The following PREX1 variants were observed in gnomAD, a reference collection of about 807,000 sequenced individuals.
PREX1 encodes phosphatidylinositol 3,4,5-trisphosphate-dependent Rac exchanger 1 protein.
PREX1 carries 41 observed loss-of-function variants against 198.3 expected under a neutral mutation model. That is an observed-to-expected ratio of 0.21 (90% CI 0.16 to 0.27). The LOEUF (loss-of-function observed/expected upper bound fraction) is 0.27. Among genes scored for constraint, PREX1 ranks in the 10% least tolerant of loss-of-function variants. The pLI is 1.00. For missense variants in PREX1, 1,620 were observed against 2,200.7 expected, an observed-to-expected ratio of 0.74 and a Z score of 5.28; for synonymous variants, 843 against 887.2, an observed-to-expected ratio of 0.95 and a Z score of 0.89.
At chr20:48,880,009 TTCC>T in the PREX1 span, among the ~76,000 whole-genome samples, 1 of 152,204 alleles carries the variant, frequency 6.6e-6, no homozygotes, top group Non-Finnish European at 1.5e-5. Flanking sequence ...GAAATTGAAT[TTCC>T]ATGTGGTGCC....
At chr20:48,846,830 T>G in the PREX1 span, among the ~76,000 whole-genome samples, 1 of 152,030 alleles carries the variant, frequency 6.6e-6, no homozygotes, top group East Asian at 1.9e-4. Flanking sequence ...TGCTGGACAC[T>G]CCCGTCTACA....
At chr20:48,747,515 G>A (rs1213723187) in intron 2 of PREX1, among the ~76,000 whole-genome samples, 4 of 152,232 alleles carry the variant, frequency 2.6e-5, no homozygotes, top group African/African-American at 7.2e-5. Context: ...GGCCTGACAC[G>A]AGGAGCCCGG....
chr20:48,708,064 A>C (rs1034504320), intron 6 of PREX1, among the ~76,000 whole-genome samples, 196 bp downstream of exon 6: 3 of 152,232 alleles, frequency 2.0e-5, no homozygotes, highest in African/African-American at 7.2e-5. Flanking sequence ...AGTGTCACCA[A>C]GTTTTTAAGA....
intron 17 of PREX1, among the ~76,000 whole-genome samples, chr20:48,657,603 C>T (rs1402243521): frequency 2.0e-5 from 3 of 152,324 alleles, no homozygotes; most frequent in East Asian, 3.9e-4. Context: ...CTAGCCGCTC[C>T]GGCCATGGGT....
chr20:48,692,896 G>C (rs2089826786), intron 7 of PREX1, 106 bp from the exon 8 acceptor site: 2 of 934,482 alleles, frequency 2.1e-6, no homozygotes, highest in African/African-American at 1.6e-5. Context: ...CCAGGGGACA[G>C]AGAGGAGCCC....
intron 1 of PREX1, among the ~76,000 whole-genome samples, chr20:48,767,193 A>G (rs1657539202): frequency 1.3e-5 from 2 of 152,180 alleles, no homozygotes; most frequent in African/African-American, 4.8e-5. Flanking sequence ...TCAGGCCCAC[A>G]CATTCTAACC....
intron 7 of PREX1, among the ~76,000 whole-genome samples, chr20:48,694,697 T>G (rs1271642451): frequency 1.3e-5 from 2 of 152,044 alleles, no homozygotes; most frequent in Non-Finnish European, 2.9e-5. Context: ...TGTAAGTGGG[T>G]AAATGAAATA....
intron 1 of PREX1, among the ~76,000 whole-genome samples, chr20:48,816,742 C>T (rs1289483040): frequency 3.3e-5 from 5 of 152,150 alleles, no homozygotes; most frequent in Non-Finnish European, 5.9e-5. Context: ...GCCAACAACC[C>T]TATGCAGATC....
Position 48,645,951 on chromosome 20 carries a change from T to G in PREX1, c.3412A>C (p.Arg1138=). The G allele has an allele frequency of 2.5e-6, 4 of 1,614,242 alleles. No individual in the cohort carries two copies. Among genetic ancestry groups the G allele is most frequent in the Non-Finnish European group, 3.4e-6 (4 of 1,180,038 alleles). Residue 1138 remains arginine, a synonymous_variant, in exon 26 of 40, where the codon AGG becomes CGG. Coordinates refer to ENST00000371941, the MANE Select transcript of PREX1 (RefSeq NM_020820.4). The stretch of plus-strand genomic sequence containing the variant: ...TTCTTGATGCCCCCATGGTCACTCC[T>G]GTCCATCTCGCTCTCTTCACTGACC... The part of the protein sequence containing the change: ...PLVSEESEMD[R]SDHGGIKKVC...
chr20:48,678,241 C>T (rs2089722806), intron 13 of PREX1, among the ~76,000 whole-genome samples: 2 of 151,796 alleles, frequency 1.3e-5, no homozygotes, highest in South Asian at 4.1e-4. Flanking sequence ...TTGAACCCGG[C>T]GGAGGTTGCA....
intron 31 of PREX1, 71 bp from the exon 32 acceptor site, chr20:48,636,754 C>A (rs1419620007): frequency 3.5e-6 from 5 of 1,413,500 alleles, no homozygotes; most frequent in Admixed American, 2.1e-5. Context: ...CCCCCCAAAA[C>A]CCTGGGTCCA....
chr20:48,712,557 T>C (rs1242860146), intron 5 of PREX1, among the ~76,000 whole-genome samples: 3 of 152,348 alleles, frequency 2.0e-5, no homozygotes, highest in East Asian at 3.9e-4. Context: ...CAACACCCAG[T>C]AGTTAGTAAA....
chr20:48,744,391 G>A (rs754541796), intron 3 of PREX1, among the ~76,000 whole-genome samples: 23 of 152,180 alleles, frequency 1.5e-4, no homozygotes, highest in Non-Finnish European at 3.1e-4. Context: ...AGAGGCAAAG[G>A]AGTTTGGCTC....
At chr20:48,768,224 T>G (rs2090217960) in intron 1 of PREX1, among the ~76,000 whole-genome samples, 1 of 152,180 alleles carries the variant, frequency 6.6e-6, no homozygotes, top group South Asian at 2.1e-4. Context: ...CATAAAGTGC[T>G]TAGCACAGAG....
intron 16 of PREX1, among the ~76,000 whole-genome samples, chr20:48,658,539 G>A (rs1264552963): frequency 1.3e-5 from 2 of 152,174 alleles, no homozygotes; most frequent in East Asian, 1.9e-4. Flanking sequence ...CAGGTCTGGG[G>A]GTTCCCCAGT....
the PREX1 span, among the ~76,000 whole-genome samples, chr20:48,844,043 G>A: frequency 6.6e-6 from 1 of 152,066 alleles, no homozygotes; most frequent in Non-Finnish European, 1.5e-5. Context: ...GAGAGGCTGA[G>A]GTAGAAACCT....
At chr20:48,713,582 T>A (rs533667767) in intron 5 of PREX1, among the ~76,000 whole-genome samples, 2 of 152,192 alleles carry the variant, frequency 1.3e-5, no homozygotes, top group South Asian at 4.1e-4. Flanking sequence ...CAAAAAATTT[T>A]AAAAACTTAG....
At chr20:48,873,667 C>G in the PREX1 span, among the ~76,000 whole-genome samples, 1 of 151,686 alleles carries the variant, frequency 6.6e-6, no homozygotes, top group African/African-American at 2.4e-5. Flanking sequence ...TTGCAGTGAG[C>G]TGAGATTGTG....
At chr20:48,683,150 C>G (rs934234269) in intron 10 of PREX1, among the ~76,000 whole-genome samples, 1 of 152,224 alleles carries the variant, frequency 6.6e-6, no homozygotes. Context: ...ATGCTGCCAG[C>G]AGCTGAAGGA....
Sources: allele counts gnomAD v4.1 joint callset (sites outside exome capture counted in the v4.1 genomes callset), GRCh38; gene constraint gnomAD v4.1.1; transcripts MANE v1.5; gene names NCBI Gene and HGNC (gene_info 2026-07-23, HGNC 2026-07-21).